Variants in ANO1 observed in about 807,000 individuals in gnomAD.
ANO1 encodes the protein anoctamin-1.
ANO1 carries 59 observed loss-of-function variants against 124.0 expected under a neutral mutation model. The observed-to-expected ratio is 0.48, with a 90% CI of 0.39 to 0.59. The LOEUF (loss-of-function observed/expected upper bound fraction) is 0.59, where lower values mean the gene tolerates loss of function less well. ANO1 is among the 20% of genes least tolerant of loss of function. ANO1 has a pLI of 0.00. For missense variants in ANO1, 1,059 were observed against 1,328.0 expected (o/e 0.80, Z 3.15); for synonymous variants, 529 against 532.0 (o/e 0.99, Z 0.08).
chr11:70,066,964 C>T (rs1029916430), intron 1 of ANO1, among the ~76,000 whole-genome samples: 8 of 152,238 alleles, frequency 5.3e-5, no homozygotes, highest in African/African-American at 1.9e-4. Context: ...AGCAGCCCCC[C>T]AGCGGGGAGG....
chr11:70,013,836 C>T (rs1215515490), intron 1 of ANO1, among the ~76,000 whole-genome samples: 1 of 35,204 alleles, frequency 2.8e-5, no homozygotes, highest in Non-Finnish European at 6.4e-5. Flanking sequence ...AAAAGTGTCA[C>T]TGACTAGGCT....
intron 1 of ANO1, among the ~76,000 whole-genome samples, chr11:70,083,277 C>A (rs979763478): frequency 6.6e-6 from 1 of 152,168 alleles, no homozygotes; most frequent in African/African-American, 2.4e-5. Context: ...ATCCTTCCAG[C>A]AACCCCATGA....
the ANO1 span, among the ~76,000 whole-genome samples, chr11:69,969,730 C>T: frequency 1.9e-4 from 29 of 152,210 alleles, no homozygotes; most frequent in Non-Finnish European, 2.9e-4. Flanking sequence ...GGGTGGATCA[C>T]AAGGTCAGGA....
chr11:70,095,348 A>G (rs59656014), intron 2 of ANO1, among the ~76,000 whole-genome samples: 577 of 8,866 alleles, frequency 0.065, 37 homozygotes, highest in African/African-American at 0.15. Flanking sequence ...GAGAAAGAAA[A>G]AGAAAGAAAG....
intron 21 of ANO1, among the ~76,000 whole-genome samples, chr11:70,170,476 C>T (rs1464284279): frequency 6.6e-6 from 1 of 152,136 alleles, no homozygotes; most frequent in Non-Finnish European, 1.5e-5. Context: ...CCTGTGGTCC[C>T]AGCTACCCGG....
chr11:70,040,744 T>G (rs1555004955), intron 1 of ANO1, among the ~76,000 whole-genome samples: 1 of 152,170 alleles, frequency 6.6e-6, no homozygotes, highest in Non-Finnish European at 1.5e-5. Context: ...CACTGACTGC[T>G]GCAGCACGAT....
chr11:70,065,807 C>T, intron 1 of ANO1, among the ~76,000 whole-genome samples: 1 of 152,182 alleles, frequency 6.6e-6, no homozygotes, highest in Non-Finnish European at 1.5e-5. Flanking sequence ...ATGTTCCTCC[C>T]CAGTCTTGTC....
At chr11:70,087,045 C>T (rs1391792298) in intron 1 of ANO1, among the ~76,000 whole-genome samples, 2 of 152,218 alleles carry the variant, frequency 1.3e-5, no homozygotes, top group African/African-American at 2.4e-5. Flanking sequence ...TGCCTCAGCC[C>T]CTATCCATGT....
At chr11:70,151,032 G>A (rs1241056656) in intron 12 of ANO1, among the ~76,000 whole-genome samples, 4 of 152,298 alleles carry the variant, frequency 2.6e-5, no homozygotes, top group East Asian at 3.9e-4. Context: ...GGTATAAGAC[G>A]GGCCTCTGGG....
chr11:70,170,741 G>A (rs2048429592), intron 21 of ANO1, 146 bp from the exon 22 acceptor site: 1 of 945,888 alleles, frequency 1.1e-6, no homozygotes, highest in Non-Finnish European at 1.6e-6. Flanking sequence ...CTCATCTAAT[G>A]CATCTGCAGG....
Position 70,173,289 on chromosome 11 carries a change from C to G in ANO1, c.2350+2250C>G, listed in dbSNP as rs58902261. On this transcript the variant is annotated intron_variant, in intron 22 of 25. Coordinates refer to ENST00000355303, the MANE Select transcript of ANO1 (RefSeq NM_018043.7). ...ATTGGTGCTTTGTAGGGAGGGACAT[C>G]CCAGGGCTCCTGGGTAAGAGGTCAT... Among the ~76,000 whole-genome samples, 155 of 152,286 alleles carry G rather than the reference C, an allele frequency of 1.0e-3. 2 individuals are homozygous for G. In the East Asian group the frequency reaches 0.026, roughly 25 times the overall value.
chr11:70,078,730 C>A lies in ANO1; in HGVS notation c.108+16C>A, dbSNP rs755326445. The A allele has an allele frequency of 1.4e-5, 20 of 1,443,466 alleles. No individual in the cohort carries two copies. Among genetic ancestry groups the A allele is most frequent in the Non-Finnish European group, 1.8e-5 (20 of 1,081,904 alleles). The allele number at this position is 1,443,466 out of a possible 1,614,324, so 89.4% of individuals were successfully genotyped here. On this transcript the variant is annotated intron_variant, in intron 1 of 25. Coordinates refer to ENST00000355303, the MANE Select transcript of ANO1 (RefSeq NM_018043.7). ...CGAGGGCACGGTGAGTGCGGGCGGC[C>A]GCGACCCGGGCGGGAGGGCCGCGCA...
intron 19 of ANO1, among the ~76,000 whole-genome samples, chr11:70,165,034 G>T (rs938379353): frequency 6.6e-6 from 1 of 152,104 alleles, no homozygotes; most frequent in African/African-American, 2.4e-5. Context: ...TCTGAAGGTC[G>T]GAAGTGCAAC....
rs552593968 is a variant in ANO1 at position 70,028,065 on chromosome 11, A to G, written c.58+41899A>G. ...AATCGATTTCAATAAAAGTTAAGGT[A>G]CTACTGATTTCCCTCAGAAGAAATA... On this transcript the variant is annotated intron_variant, in intron 1 of 27. Transcript: ENST00000531349. Among the ~76,000 whole-genome samples, 3 of 152,318 alleles carry G rather than the reference A, an allele frequency of 2.0e-5. No individual in the cohort carries two copies. In the South Asian group the frequency reaches 6.2e-4, roughly 32 times the overall value.
chr11:70,108,022 G>A (rs114821767), intron 5 of ANO1, among the ~76,000 whole-genome samples: 85 of 152,372 alleles, frequency 5.6e-4, no homozygotes, highest in African/African-American at 2.0e-3. Flanking sequence ...ACGTGGCACA[G>A]CTGTGACACA....
At chr11:70,076,252 C>G (rs1245409737), upstream of ANO1, among the ~76,000 whole-genome samples, 2 of 152,188 alleles carry the variant, frequency 1.3e-5, no homozygotes, top group Non-Finnish European at 2.9e-5. Flanking sequence ...AGAGGTTAAG[C>G]ACTGTTTCTT....
At chr11:70,047,530 C>T (rs370183745) in intron 1 of ANO1, among the ~76,000 whole-genome samples, 31 of 152,130 alleles carry the variant, frequency 2.0e-4, no homozygotes, top group African/African-American at 7.2e-4. Flanking sequence ...GGATAGAGAA[C>T]AAAAGACCAA....
intron 1 of ANO1, among the ~76,000 whole-genome samples, chr11:70,001,586 A>C (rs1005973814): frequency 3.3e-5 from 5 of 152,226 alleles, no homozygotes; most frequent in Non-Finnish European, 5.9e-5. Context: ...AAAAGGGTAC[A>C]TGATCCCGTT....
intron 22 of ANO1, among the ~76,000 whole-genome samples, chr11:70,172,596 G>GC (rs34571415): frequency 0.016 from 2,381 of 152,214 alleles, 20 homozygotes; most frequent in Middle Eastern, 0.054. Context: ...TTGACCAGGC[G>GC]CAGTGGCTCA....
Sources: gnomAD v4.1 joint callset for allele counts (sites outside exome capture counted in the v4.1 genomes callset) on GRCh38, gnomAD v4.1.1 for gene constraint, MANE v1.5 for transcripts, NCBI Gene and HGNC (gene_info 2026-07-23, HGNC 2026-07-21) for gene names.